The following CPT1B variants were observed in gnomAD, a reference collection of about 807,000 sequenced individuals.
CPT1B encodes carnitine O-palmitoyltransferase 1, muscle isoform.
In CPT1B, 57 loss-of-function variants were observed where a neutral mutation model predicts 92.7. The ratio of observed to expected loss-of-function variants is 0.62; its 90% CI spans 0.50 to 0.77. The LOEUF (loss-of-function observed/expected upper bound fraction) is 0.77. CPT1B is among the 30% of genes least tolerant of loss of function. The pLI is 0.00. For synonymous variants in CPT1B, 398 were observed against 383.5 expected (o/e 1.04, Z -0.44); for missense variants, 983 against 1,017.4 (o/e 0.97, Z 0.46).
In CPT1B at chr22:50,577,397, C is replaced by T; in HGVS notation, c.208G>A (p.Val70Met). The part of the protein sequence containing the change: ...TSWLVVIMAT[V>M]GSSFCNVDIS... ...TCCACGTTGCAGAAGGAGGAACCCA[C>T]TGTTGCCATGATGACGACCAGCCAG... The change falls in exon 3 of 20, where the codon GTG becomes ATG. Residue 70 changes from valine to methionine, a missense_variant. By Grantham distance (21) the Val-to-Met change is conservative. Transcript: ENST00000312108. 1 of 1,613,944 alleles carries T rather than the reference C, an allele frequency of 6.2e-7. No homozygotes were observed.
chr22:50,576,333 G>A lies in CPT1B; in HGVS notation c.564C>T (p.Tyr188=). 1.2e-6 allele frequency: 2 copies of A among 1,613,966 alleles called. No homozygotes were observed. Among genetic ancestry groups the A allele is most frequent in the Non-Finnish European group, 1.7e-6 (2 of 1,180,006 alleles). The part of the protein sequence containing the change: ...VPRVSATIQR[Y]LESVRPLLDD... ...CCAACAAGGGGCGCACAGACTCTAG[G>A]TACTGTCCAGCCAGTTATCATCACC... is the stretch of plus-strand genomic sequence containing the variant. Residue 188 remains tyrosine, a splice_region_variant and synonymous_variant, in exon 6 of 20, where the codon TAC becomes TAT. Transcript: ENST00000312108.
chr22:50,569,392 G>A lies in CPT1B; in HGVS notation c.2265C>T (p.Arg755=), dbSNP rs1306595604. 6.2e-7 allele frequency: 1 copy of A among 1,614,172 alleles called. No individual in the cohort carries two copies. The highest frequency in any genetic ancestry group is 2.2e-5 in the East Asian group (1 of 44,884). ...TNAQRFGNHI[R]KALLDIADLF... The stretch of plus-strand genomic sequence containing the variant: ...GATCAGCAATGTCCAGCAGGGCTTT[G>A]CGGATGTGGTTTCCAAAGCGCTGGG... Residue 755 remains arginine (R), a synonymous_variant, in exon 19 of 20, where the codon CGC becomes CGT. Transcript: ENST00000312108.
Position 50,573,667 on chromosome 22 carries a change from T to C in CPT1B, c.1019A>G (p.Lys340Arg), listed in dbSNP as rs2070294816. Residue 340 changes from lysine (K) to arginine (R), a missense_variant, in exon 10 of 20, where the codon AAG becomes AGG. Physicochemically the swap from Lys to Arg is conservative, Grantham distance 26 (BLOSUM62 2). Transcript: ENST00000312108. This position sits in a 1 kb window ranked among gnomAD's most constrained non-coding sequence, Gnocchi z 5.0. ...GAGCCACAGCTTGAAGAAGCGTCCC[T>C]TGTGGTAGACAGCCACGTGCCGGCT... The part of the protein sequence containing the change: ...SDSRHVAVYH[K>R]GRFFKLWLYE... The C allele has an allele frequency of 3.1e-6, 5 of 1,613,120 alleles. No homozygotes were observed. The highest frequency in any genetic ancestry group is 4.2e-6 in the Non-Finnish European group (5 of 1,179,976).
rs145748704 is a variant in CPT1B at position 50,577,372 on chromosome 22, T to C, written c.233A>G (p.Asp78Gly). The C allele has an allele frequency of 6.2e-7, 1 of 1,613,814 alleles. No individual in the cohort carries two copies. Among genetic ancestry groups the C allele is most frequent in the Non-Finnish European group, 8.5e-7 (1 of 1,180,006 alleles). ...GCAACTGACCAGCCCCAAGGAGATGTCCACGTTGCAGAAGGAGGAACCCAC... is the reference window on the plus strand; with the variant it reads ...GCAACTGACCAGCCCCAAGGAGATGCCCACGTTGCAGAAGGAGGAACCCAC... ...ATVGSSFCNVDISLGLVSCIQ... is the reference protein window; with the variant it reads ...ATVGSSFCNVGISLGLVSCIQ... The change falls in exon 3 of 20, where the codon GAC (aspartate) becomes GGC (glycine). Residue 78 changes from aspartate (D) to glycine (G), a missense_variant. By Grantham distance (94) the Asp-to-Gly change is moderately conservative. Coordinates refer to ENST00000312108, the MANE Select transcript of CPT1B (RefSeq NM_152246.3).
rs774249901 is a variant in CPT1B at position 50,577,853 on chromosome 22, G to C, written c.63C>G (p.Phe21Leu). The change falls in exon 2 of 20, where the codon TTC (phenylalanine) becomes TTG (leucine). Residue 21 changes from phenylalanine to leucine, a missense_variant. Phe to Leu is a conservative substitution (Grantham distance 22). Transcript: ENST00000312108. ...QFTVTPDGVD[F>L]RLSREALKHV... The stretch of plus-strand genomic sequence containing the variant: ...GTTTCAGGGCCTCCCGACTGAGCCG[G>C]AAGTCGACCCCGTCTGGGGTCACCG... The C allele has an allele frequency of 1.9e-6, 3 of 1,613,740 alleles. No individual in the cohort carries two copies. The South Asian group carries it at 3.3e-5, about 18-fold the overall frequency.
rs17848476 is a variant in CPT1B, at chr22:50,577,502, C to T, written c.142-39G>A. ...CAGGCGCCCTTATGGAGCCGGAAGG[C>T]GGGAGGTTAGCCTGCCTGTGAAGTC... On this transcript the variant is annotated intron_variant, in intron 2 of 19. Coordinates refer to ENST00000312108, the MANE Select transcript of CPT1B (RefSeq NM_152246.3). The T allele has an allele frequency of 1.5e-3, 2,480 of 1,608,932 alleles. 45 individuals carry two copies. In the East Asian group the frequency reaches 0.039, roughly 25 times the overall value.
chr22:50,570,924 C>G lies in CPT1B; in HGVS notation c.1995G>C (p.Lys665Asn), dbSNP rs2070133680. 3.1e-6 allele frequency: 5 copies of G among 1,613,686 alleles called. No homozygotes were observed. The highest frequency in any genetic ancestry group is 2.7e-5 in the African/African-American group (2 of 74,936). ...RHLFCLYLVSKYLGVSSPFLA... is the reference protein window; with the variant it reads ...RHLFCLYLVSNYLGVSSPFLA... ...GGAAAGGAGAGCTGACTCCTAGGTACTTGGAGACCAAGTAAAGGCAGAAGA... is the reference window on the plus strand; with the variant it reads ...GGAAAGGAGAGCTGACTCCTAGGTAGTTGGAGACCAAGTAAAGGCAGAAGA... Residue 665 changes from lysine (K) to asparagine (N), a missense_variant, in exon 16 of 20, where the codon AAG becomes AAC. Transcript: ENST00000312108.
rs1039137047 is a variant in CPT1B at position 50,577,932 on chromosome 22, C to A, written c.-17G>T. The A allele has an allele frequency of 1.7e-5, 27 of 1,602,748 alleles. No homozygotes were observed. Among genetic ancestry groups the A allele is most frequent in the Non-Finnish European group, 2.2e-5 (26 of 1,172,882 alleles). ...TTCCGCCATCCTGGGGGTTGGTCGG[C>A]ACCTAGGACGGGGGCAGATGGGTGC... On this transcript the variant is annotated splice_region_variant and 5_prime_UTR_variant, in exon 2 of 20. Transcript: ENST00000312108.
intron 16 of CPT1B, 81 bp from the exon 17 acceptor site, chr22:50,570,487 G>T: frequency 8.8e-7 from 1 of 1,131,674 alleles, no homozygotes; most frequent in Non-Finnish European, 1.3e-6. Context: ...CCTACTCTGA[G>T]CCAGACACGG....
In CPT1B at chr22:50,574,525, G is replaced by T; in HGVS notation, c.853C>A (p.Arg285Ser). Residue 285 changes from arginine to serine, a missense_variant, in exon 8 of 20, where the codon CGC becomes AGC. Arg to Ser is a moderately radical substitution (Grantham distance 110). Transcript: ENST00000312108. ...GNIIHAMIMY[R>S]RKLDREEIKP... is the part of the protein sequence containing the mutation. ...ATTTCTTCACGGTCCAGTTTACGGCGATACATGATCATGGCGTGGATGATG... is the reference window on the plus strand; with the variant it reads ...ATTTCTTCACGGTCCAGTTTACGGCTATACATGATCATGGCGTGGATGATG... 1 of 1,614,142 alleles carries T rather than the reference G, an allele frequency of 6.2e-7. No homozygotes were observed. Among genetic ancestry groups the T allele is most frequent in the Non-Finnish European group, 8.5e-7 (1 of 1,180,030 alleles).
Position 50,570,981 on chromosome 22 carries a change from C to T in CPT1B, c.1938G>A (p.Leu646=), listed in dbSNP as rs1309213366. 1.2e-6 allele frequency: 2 copies of T among 1,614,040 alleles called. No homozygotes were observed. The highest frequency in any genetic ancestry group is 4.5e-5 in the East Asian group (2 of 44,880). The change falls in exon 16 of 20, where the codon CTG becomes CTA. Residue 646 remains leucine (L), a synonymous_variant. Coordinates refer to ENST00000312108, the MANE Select transcript of CPT1B (RefSeq NM_152246.3). ...AAKKHQNMYR[L]AMTGAGIDRH... ...TGTCGATCCCTGCCCCGGTCATGGC[C>T]AGGCGGTACATATTCTGGTGCTTCT...
At position 50,573,107 on chromosome 22, in the gene CPT1B, A is replaced by G; in HGVS notation, c.1167-47T>C. ...GCAGTGGGCACGTGGACTTGGGATGAGGGTGCCTCTGAGGGCCTGGCTGGA... is the reference window on the plus strand; with the variant it reads ...GCAGTGGGCACGTGGACTTGGGATGGGGGTGCCTCTGAGGGCCTGGCTGGA... On this transcript the variant is annotated intron_variant, in intron 10 of 19. Coordinates refer to ENST00000312108, the MANE Select transcript of CPT1B (RefSeq NM_152246.3). The surrounding 1 kb of genome is among the most constrained non-coding windows in gnomAD (Gnocchi z 5.0). 2 of 1,528,556 alleles carry G rather than the reference A, an allele frequency of 1.3e-6. No individual in the cohort carries two copies. Among genetic ancestry groups the G allele is most frequent in the Non-Finnish European group, 1.8e-6 (2 of 1,122,356 alleles). 94.7% of individuals were successfully genotyped at this position (1,528,556 alleles called of 1,614,324 possible).
intron 16 of CPT1B, 137 bp downstream of exon 16, chr22:50,570,754 G>A (rs1002095398): frequency 1.9e-4 from 228 of 1,176,082 alleles, no homozygotes; most frequent in Non-Finnish European, 2.3e-4. Flanking sequence ...GGGTGTGGGC[G>A]GGAAAGCTGG....
In CPT1B at chr22:50,577,375, A is replaced by G. The variant is rs762041457; in HGVS notation, c.230T>C (p.Val77Ala). The G allele has an allele frequency of 2.2e-5, 36 of 1,613,846 alleles. No individual in the cohort carries two copies. The highest frequency in any genetic ancestry group is 3.1e-5 in the Non-Finnish European group (36 of 1,180,012). Reference protein sequence around the residue: ...MATVGSSFCNVDISLGLVSCI... With the variant: ...MATVGSSFCNADISLGLVSCI... Reference sequence around the variant, plus strand: ...ACTGACCAGCCCCAAGGAGATGTCCACGTTGCAGAAGGAGGAACCCACTGT... The same window carrying G: ...ACTGACCAGCCCCAAGGAGATGTCCGCGTTGCAGAAGGAGGAACCCACTGT... Residue 77 changes from valine (V) to alanine (A), a missense_variant, in exon 3 of 20, where the codon GTG becomes GCG. Transcript: ENST00000312108.
chr22:50,575,086 T>C (rs2070371066), intron 7 of CPT1B: 1 of 152,292 alleles, frequency 6.6e-6, no homozygotes, highest in Non-Finnish European at 1.5e-5. Flanking sequence ...CGATCTCGGC[T>C]CATTTCAAGC....
At position 50,573,454 on chromosome 22, in the gene CPT1B, C is replaced by T. The variant is rs2070280983; in HGVS notation, c.1166+66G>A. The T allele has an allele frequency of 1.4e-6, 2 of 1,433,880 alleles. No individual in the cohort carries two copies. Among genetic ancestry groups the T allele is most frequent in the Non-Finnish European group, 9.4e-7 (1 of 1,059,436 alleles). 88.8% of individuals were successfully genotyped at this position (1,433,880 alleles called of 1,614,324 possible). Reference sequence around the variant, plus strand: ...TCCAGTTCCAGGGTGGCAGGCAGGGCCACGCTCCTCTCCTCACGGAGCCCT... The same window carrying T: ...TCCAGTTCCAGGGTGGCAGGCAGGGTCACGCTCCTCTCCTCACGGAGCCCT... On this transcript the variant is annotated intron_variant, in intron 10 of 19. Coordinates refer to ENST00000312108, the MANE Select transcript of CPT1B (RefSeq NM_152246.3). This position sits in a 1 kb window ranked among gnomAD's most constrained non-coding sequence, Gnocchi z 5.0.
In CPT1B at chr22:50,572,284, G is replaced by A; in HGVS notation, c.1377C>T (p.Leu459=). 6.2e-7 allele frequency: 1 copy of A among 1,613,746 alleles called. No individual in the cohort carries two copies. The highest frequency in any genetic ancestry group is 1.1e-5 in the South Asian group (1 of 91,086). The change falls in exon 12 of 20, where the codon CTC becomes CTT. Residue 459 remains leucine (L), a synonymous_variant. Coordinates refer to ENST00000312108, the MANE Select transcript of CPT1B (RefSeq NM_152246.3). ...YNRWFDKSFT[L]ISFKNGQLGL... ...CCAACTGGCCATTCTTGAAGGAAAT[G>A]AGAGTGAAGGATTTGTCAAACCACC... is the stretch of plus-strand genomic sequence containing the variant.
At chr22:50,569,997 T>C (rs1047654051) in intron 17 of CPT1B, among the ~76,000 whole-genome samples, 2 of 152,166 alleles carry the variant, frequency 1.3e-5, no homozygotes, top group African/African-American at 2.4e-5. Flanking sequence ...CTTGGATAAG[T>C]AGACTTCAGA....
rs1388871803 is a variant in CPT1B, at chr22:50,569,621, G to C, written c.2190C>G (p.Asn730Lys). ...TGCTGGAGATGTGGAAGAAGATCGT[G>C]TTCTCGCCTGCAATCATGTAGGAAA... Reference protein sequence around the residue: ...YGVSYMIAGENTIFFHISSKF... With the variant: ...YGVSYMIAGEKTIFFHISSKF... Residue 730 changes from asparagine (N) to lysine (K), a missense_variant, in exon 18 of 20, where the codon AAC (asparagine) becomes AAG (lysine). Coordinates refer to ENST00000312108, the MANE Select transcript of CPT1B (RefSeq NM_152246.3). 1 of 1,613,948 alleles carries C rather than the reference G, an allele frequency of 6.2e-7. No homozygotes were observed. Among genetic ancestry groups the C allele is most frequent in the Non-Finnish European group, 8.5e-7 (1 of 1,180,034 alleles).
Sources: gnomAD v4.1 joint callset for allele counts (sites outside exome capture counted in the v4.1 genomes callset) on GRCh38, gnomAD v4.1.1 for gene constraint, Gnocchi (gnomAD v3.1) non-coding constraint, MANE v1.5 for transcripts, NCBI Gene and HGNC (gene_info 2026-07-23, HGNC 2026-07-21) for gene names.